The following NCAM2 variants were observed in gnomAD, a reference collection of about 807,000 sequenced individuals.
NCAM2 encodes the protein N-CAM-2.
Under a neutral mutation model 98.1 loss-of-function variants are expected in NCAM2, and 30 were observed. The observed-to-expected ratio is 0.31, with a 90% CI of 0.23 to 0.41. The LOEUF (loss-of-function observed/expected upper bound fraction) is 0.41. NCAM2 is among the 10% of genes least tolerant of loss of function. The pLI, the probability that NCAM2 is intolerant of heterozygous loss-of-function variation, is 1.00. For missense variants in NCAM2, 867 were observed against 1,005.8 expected (o/e 0.86, Z 1.87); for synonymous variants, 368 against 342.4 (o/e 1.07, Z -0.83).
Position 21,539,658 on chromosome 21 carries a change from C to T in NCAM2, c.*1701C>T, listed in dbSNP as rs1990151451. Reference sequence around the variant, plus strand: ...CCATCTTCGTTTGAAGGCACCAAATCGTCGCAGTGTCTTTGCCATAAGTTG... The same window carrying T: ...CCATCTTCGTTTGAAGGCACCAAATTGTCGCAGTGTCTTTGCCATAAGTTG... On this transcript the variant is annotated 3_prime_UTR_variant, in exon 18 of 18. Coordinates refer to ENST00000400546, the MANE Select transcript of NCAM2 (RefSeq NM_004540.5). 6.6e-6 allele frequency: 1 copy of T among 152,166 alleles called. No individual in the cohort carries two copies. Among genetic ancestry groups the T allele is most frequent in the Non-Finnish European group, 1.5e-5 (1 of 68,038 alleles). 9.4% of individuals were successfully genotyped at this position (152,166 alleles called of 1,614,324 possible). A position where few individuals can be genotyped will look rare whatever the true frequency, so the allele number is the denominator to read the frequency against.
chr21:21,378,626 C>T (rs2076084508), intron 9 of NCAM2, among the ~76,000 whole-genome samples: 1 of 152,042 alleles, frequency 6.6e-6, no homozygotes, highest in South Asian at 2.1e-4. Context: ...TGAATTGTCT[C>T]TGCTGAGCTT....
intron 1 of NCAM2, among the ~76,000 whole-genome samples, chr21:21,193,492 C>CTTTTTT (rs768928139): frequency 1.4e-4 from 17 of 123,786 alleles, no homozygotes; most frequent in African/African-American, 2.5e-4. Context: ...AGTACTTTTC[C>CTTTTTT]TTTTTTTTTT....
chr21:21,100,957 T>G (rs1203712239), intron 1 of NCAM2, among the ~76,000 whole-genome samples: 1 of 152,058 alleles, frequency 6.6e-6, no homozygotes, highest in African/African-American at 2.4e-5. Context: ...TCTGTTACAT[T>G]GACTTATTGA....
chr21:21,129,946 T>C (rs1304578457), intron 1 of NCAM2, among the ~76,000 whole-genome samples: 1 of 152,194 alleles, frequency 6.6e-6, no homozygotes, highest in Admixed American at 6.5e-5. Context: ...ACATTATTTT[T>C]TGCCTGGGAT....
At chr21:21,464,297 A>G (rs565866236) in intron 12 of NCAM2, among the ~76,000 whole-genome samples, 3 of 152,232 alleles carry the variant, frequency 2.0e-5, no homozygotes, top group African/African-American at 7.2e-5. Context: ...AAAACATGTT[A>G]GGCCTTAGGA....
intron 8 of NCAM2, among the ~76,000 whole-genome samples, chr21:21,343,208 G>A (rs1032899385): frequency 2.0e-5 from 3 of 151,828 alleles, no homozygotes; most frequent in African/African-American, 4.8e-5. Flanking sequence ...AAATTACTTC[G>A]TATAATGGGT....
intron 1 of NCAM2, among the ~76,000 whole-genome samples, chr21:21,222,175 G>T (rs2070196769): frequency 6.6e-6 from 1 of 152,100 alleles, no homozygotes; most frequent in African/African-American, 2.4e-5. Flanking sequence ...AAATATTACT[G>T]ATTATTAATT....
chr21:21,494,321 C>T (rs233770), intron 15 of NCAM2, among the ~76,000 whole-genome samples: 5,601 of 151,814 alleles, frequency 0.037, 329 homozygotes, highest in African/African-American at 0.13. Flanking sequence ...TTTGTTTGTA[C>T]AATGAAAATA....
At chr21:21,452,576 GTA>G (rs1569078758) in intron 12 of NCAM2, among the ~76,000 whole-genome samples, 1 of 83,578 alleles carries the variant, frequency 1.2e-5, no homozygotes, top group South Asian at 3.1e-4. Flanking sequence ...TATATATATT[GTA>G]TATATATTGT....
chr21:21,338,563 C>T (rs760660998), intron 8 of NCAM2, 29 bp downstream of exon 8: 5 of 1,525,752 alleles, frequency 3.3e-6, no homozygotes, highest in African/African-American at 1.4e-5. Flanking sequence ...GTAATGGTTT[C>T]CATTACCATG....
chr21:21,474,121 T>C (rs1384965842), intron 14 of NCAM2, among the ~76,000 whole-genome samples: 1 of 152,156 alleles, frequency 6.6e-6, no homozygotes, highest in East Asian at 1.9e-4. Flanking sequence ...TCTACAGATA[T>C]GCATACTTGA....
intron 11 of NCAM2, among the ~76,000 whole-genome samples, chr21:21,421,682 T>TA (rs1332495823): frequency 6.6e-6 from 1 of 152,160 alleles, no homozygotes; most frequent in African/African-American, 2.4e-5. Context: ...ATTTATTATA[T>TA]AAAAAATTAA....
intron 1 of NCAM2, among the ~76,000 whole-genome samples, chr21:21,058,709 C>T (rs938795865): frequency 6.6e-6 from 1 of 151,454 alleles, no homozygotes; most frequent in East Asian, 1.9e-4. Context: ...TACATTGACC[C>T]ATTGAGTCAT....
chr21:21,188,143 A>C (rs571964064), intron 1 of NCAM2, among the ~76,000 whole-genome samples: 2 of 152,258 alleles, frequency 1.3e-5, no homozygotes, highest in South Asian at 4.1e-4. Flanking sequence ...TATATATTTG[A>C]AGTAGGACAA....
At chr21:21,303,218 G>GGA (rs568467443) in intron 5 of NCAM2, among the ~76,000 whole-genome samples, 34 of 145,120 alleles carry the variant, frequency 2.3e-4, no homozygotes, top group African/African-American at 8.1e-4. Flanking sequence ...ATCTAAAGTT[G>GGA]AAAAAAAAAA....
intron 16 of NCAM2, among the ~76,000 whole-genome samples, chr21:21,513,910 C>T (rs752514334): frequency 5.3e-5 from 8 of 151,800 alleles, no homozygotes; most frequent in Non-Finnish European, 7.4e-5. Flanking sequence ...TGTTATATTC[C>T]CTTGATTAAC....
At chr21:21,367,556 GTTA>G (rs1555882298) in intron 8 of NCAM2, among the ~76,000 whole-genome samples, 5 of 151,948 alleles carry the variant, frequency 3.3e-5, no homozygotes, top group Non-Finnish European at 2.9e-5. Flanking sequence ...GTATGGGAAA[GTTA>G]TTATTTTACT....
intron 1 of NCAM2, among the ~76,000 whole-genome samples, chr21:21,134,306 G>A (rs922560792): frequency 3.9e-5 from 6 of 152,002 alleles, no homozygotes; most frequent in Admixed American, 1.3e-4. Flanking sequence ...TCCTGACCTC[G>A]TGATCTGCGC....
intron 8 of NCAM2, among the ~76,000 whole-genome samples, chr21:21,348,162 G>T (rs1285218291): frequency 6.6e-6 from 1 of 152,042 alleles, no homozygotes; most frequent in Non-Finnish European, 1.5e-5. Flanking sequence ...TGGAAAGGAA[G>T]AAGTCAAATT....
Sources: allele counts gnomAD v4.1 joint callset (sites outside exome capture counted in the v4.1 genomes callset), GRCh38; gene constraint gnomAD v4.1.1; transcripts MANE v1.5; gene names NCBI Gene and HGNC (gene_info 2026-07-23, HGNC 2026-07-21).